The following GRID2 variants were observed in gnomAD, a reference collection of about 807,000 sequenced individuals.
GRID2 encodes the protein glutamate ionotropic receptor delta type subunit 2.
GRID2 carries 33 observed loss-of-function variants against 114.8 expected under a neutral mutation model. The observed-to-expected ratio is 0.29, with a 90% CI of 0.22 to 0.38. GRID2 has a LOEUF of 0.38. GRID2 is among the 10% of genes least tolerant of loss of function. The probability of loss-of-function intolerance (pLI) is 1.00; values close to 1 mark genes in which losing one functional copy is unlikely to be tolerated. For missense variants in GRID2, 1,184 were observed against 1,257.7 expected, an observed-to-expected ratio of 0.94 and a Z score of 0.89; for synonymous variants, 505 against 449.9, an observed-to-expected ratio of 1.12 and a Z score of -1.55.
In GRID2 at chr4:93,317,805, T is replaced by C. The variant is rs185691540; in HGVS notation, c.1246-77802T>C. Among the ~76,000 whole-genome samples, 133 of 151,684 alleles carry C rather than the reference T, an allele frequency of 8.8e-4. 1 individual carries two copies. Among genetic ancestry groups the C allele is most frequent in the Non-Finnish European group, 5.0e-4 (34 of 67,856 alleles). ...TTTATTGCTGGTGTGTCAATCACCTTCTTATTTTATCTCTTTAAGTAGTGA... is the reference window on the plus strand; with the variant it reads ...TTTATTGCTGGTGTGTCAATCACCTCCTTATTTTATCTCTTTAAGTAGTGA... On this transcript the variant is annotated intron_variant, in intron 8 of 15. Coordinates refer to ENST00000282020, the MANE Select transcript of GRID2 (RefSeq NM_001510.4).
At chr4:93,729,979 C>T (rs762030063) in intron 14 of GRID2, among the ~76,000 whole-genome samples, 4 of 152,110 alleles carry the variant, frequency 2.6e-5, no homozygotes, top group Non-Finnish European at 5.9e-5. Context: ...GGGCCTAATA[C>T]AGAGCCTGGC....
intron 1 of GRID2, among the ~76,000 whole-genome samples, chr4:92,374,713 C>T (rs1229200486): frequency 1.3e-5 from 2 of 152,036 alleles, no homozygotes; most frequent in Non-Finnish European, 2.9e-5. Context: ...GGGTATTAAC[C>T]TGGGATAAGA....
intron 1 of GRID2, among the ~76,000 whole-genome samples, chr4:92,346,769 A>G (rs1230408939): frequency 6.6e-6 from 1 of 152,222 alleles, no homozygotes; most frequent in Non-Finnish European, 1.5e-5. Context: ...TGGAATAGTT[A>G]ATAAAATCAG....
At chr4:92,935,409 A>G (rs1431878229) in intron 2 of GRID2, among the ~76,000 whole-genome samples, 1 of 146,546 alleles carries the variant, frequency 6.8e-6, no homozygotes, top group Non-Finnish European at 1.5e-5. Context: ...GGATGTGGAG[A>G]AATAGGAACA....
intron 1 of GRID2, among the ~76,000 whole-genome samples, chr4:92,514,178 G>A (rs1201262823): frequency 6.6e-6 from 1 of 151,840 alleles, no homozygotes; most frequent in African/African-American, 2.4e-5. Flanking sequence ...ATTTCACATA[G>A]ACAGCATTAT....
intron 14 of GRID2, among the ~76,000 whole-genome samples, chr4:93,718,622 T>A (rs570154997): frequency 1.3e-5 from 2 of 152,206 alleles, no homozygotes; most frequent in Non-Finnish European, 2.9e-5. Context: ...TAAATACTTA[T>A]TGAACAAATG....
chr4:93,075,200 A>ACC (rs1305309954), intron 2 of GRID2, among the ~76,000 whole-genome samples: 9 of 152,232 alleles, frequency 5.9e-5, no homozygotes, highest in African/African-American at 1.9e-4. Context: ...AAAAAGAAAA[A>ACC]CCATATGGTT....
intron 2 of GRID2, among the ~76,000 whole-genome samples, chr4:92,610,003 A>G (rs1579678321): frequency 2.0e-5 from 3 of 151,768 alleles, no homozygotes; most frequent in East Asian, 2.0e-4. Flanking sequence ...AAACTATTCA[A>G]AAGAGTCCCT....
At chr4:93,482,083 T>G (rs756721440) in intron 11 of GRID2, among the ~76,000 whole-genome samples, 15 of 152,064 alleles carry the variant, frequency 9.9e-5, no homozygotes, top group Non-Finnish European at 1.9e-4. Flanking sequence ...ATTAGTTCCA[T>G]TGAATGCCAA....
chr4:93,375,674 C>G (rs1040323501), intron 8 of GRID2, among the ~76,000 whole-genome samples: 1 of 152,120 alleles, frequency 6.6e-6, no homozygotes, highest in African/African-American at 2.4e-5. Context: ...ATGAGTTACA[C>G]CTTTTTGGAG....
intron 8 of GRID2, among the ~76,000 whole-genome samples, chr4:93,352,194 T>A (rs1428617513): frequency 6.6e-6 from 1 of 152,002 alleles, no homozygotes; most frequent in East Asian, 1.9e-4. Flanking sequence ...GAGGGACAGG[T>A]GGAGATCATT....
chr4:93,603,883 C>T (rs1013814324), intron 13 of GRID2, among the ~76,000 whole-genome samples: 4 of 152,154 alleles, frequency 2.6e-5, no homozygotes. Flanking sequence ...TTGAGATCTA[C>T]TGCTCAGAAA....
intron 2 of GRID2, among the ~76,000 whole-genome samples, chr4:93,052,791 C>A (rs1456117215): frequency 6.6e-6 from 1 of 151,880 alleles, no homozygotes; most frequent in Non-Finnish European, 1.5e-5. Context: ...TCATCAGATA[C>A]TCCAGAGGAA....
chr4:93,252,437 T>C (rs951058754), intron 8 of GRID2, among the ~76,000 whole-genome samples: 1 of 151,816 alleles, frequency 6.6e-6, no homozygotes, highest in Non-Finnish European at 1.5e-5. Context: ...GTATCTGTTC[T>C]TGTACAAGTA....
intron 4 of GRID2, among the ~76,000 whole-genome samples, chr4:93,115,110 G>GTGTGTGTGTGTGTGTGTT (rs1733115349): frequency 2.0e-5 from 3 of 151,858 alleles, no homozygotes; most frequent in Admixed American, 6.6e-5. Context: ...GTGTGTGTGT[G>GTGTGTGTGTGTGTGTGTT]TGTGTGTGTG....
chr4:93,373,864 G>A (rs1763145770), intron 8 of GRID2, among the ~76,000 whole-genome samples: 2 of 152,158 alleles, frequency 1.3e-5, no homozygotes, highest in South Asian at 4.1e-4. Flanking sequence ...ACAGTATGTA[G>A]CAAGGTGCTT....
intron 2 of GRID2, among the ~76,000 whole-genome samples, chr4:92,650,007 C>T (rs1476313954): frequency 1.3e-5 from 2 of 152,006 alleles, no homozygotes; most frequent in East Asian, 3.9e-4. Context: ...ATGCATATCA[C>T]TTTCACACCA....
intron 3 of GRID2, among the ~76,000 whole-genome samples, chr4:93,099,927 T>C (rs1190537873): frequency 6.6e-6 from 1 of 151,918 alleles, no homozygotes; most frequent in African/African-American, 2.4e-5. Flanking sequence ...TGTTTATGAT[T>C]ACCCAGAGAG....
At chr4:92,903,274 A>G (rs1388265056) in intron 2 of GRID2, among the ~76,000 whole-genome samples, 1 of 151,848 alleles carries the variant, frequency 6.6e-6, no homozygotes, top group East Asian at 1.9e-4. Flanking sequence ...AATGAATAAA[A>G]TGAAGGCTGA....
Sources: allele counts gnomAD v4.1 joint callset (sites outside exome capture counted in the v4.1 genomes callset), GRCh38; gene constraint gnomAD v4.1.1; transcripts MANE v1.5; gene names NCBI Gene and HGNC (gene_info 2026-07-23, HGNC 2026-07-21).